VEGFC: variants seen among roughly 807,000 people sequenced by gnomAD.
VEGFC encodes vascular endothelial growth factor C.
A neutral mutation model predicts 46.1 loss-of-function variants in VEGFC; 12 were observed. The observed-to-expected ratio is 0.26, with a 90% confidence interval of 0.17 to 0.42. VEGFC has a LOEUF of 0.42. Ranked by LOEUF, VEGFC falls within the 10% of genes least tolerant of loss-of-function variation. VEGFC has a pLI of 1.00. For missense variants in VEGFC, 488 were observed against 529.4 expected (o/e 0.92, Z 0.77); for synonymous variants, 232 against 195.5 (o/e 1.19, Z -1.56).
chr4:176,696,614 C>T (rs962104890), intron 4 of VEGFC, among the ~76,000 whole-genome samples: 11 of 151,286 alleles, frequency 7.3e-5, no homozygotes, highest in African/African-American at 2.7e-4. Flanking sequence ...TGACTTTCTT[C>T]ACAGAACTGG....
intron 1 of VEGFC, among the ~76,000 whole-genome samples, chr4:176,766,422 C>T (rs2110919089): frequency 6.6e-6 from 1 of 152,068 alleles, no homozygotes; most frequent in East Asian, 1.9e-4. Context: ...CTTATCTCTA[C>T]AGAAGAACAC....
At chr4:176,750,565 C>T (rs774212587) in intron 1 of VEGFC, among the ~76,000 whole-genome samples, 10 of 151,726 alleles carry the variant, frequency 6.6e-5, no homozygotes, top group Non-Finnish European at 1.2e-4. Context: ...CCTAACATTA[C>T]TACCTTTAGA....
intron 1 of VEGFC, among the ~76,000 whole-genome samples, chr4:176,771,670 T>C (rs1221959249): frequency 1.3e-5 from 2 of 152,174 alleles, no homozygotes; most frequent in East Asian, 1.9e-4. Flanking sequence ...GTTCTTGTTA[T>C]CTGGTACCAG....
intron 3 of VEGFC, among the ~76,000 whole-genome samples, chr4:176,714,617 G>C (rs1579101781): frequency 6.6e-6 from 1 of 152,180 alleles, no homozygotes; most frequent in East Asian, 1.9e-4. Context: ...AGCTATTGTA[G>C]AAGAGTTTAT....
intron 4 of VEGFC, among the ~76,000 whole-genome samples, chr4:176,705,172 T>C (rs1441354786): frequency 6.6e-6 from 1 of 152,138 alleles, no homozygotes; most frequent in Non-Finnish European, 1.5e-5. Flanking sequence ...ATTATAGAGA[T>C]AGAAGACCTG....
At chr4:176,781,972 G>A (rs977034549) in intron 1 of VEGFC, among the ~76,000 whole-genome samples, 1 of 152,160 alleles carries the variant, frequency 6.6e-6, no homozygotes, top group Admixed American at 6.5e-5. Context: ...TCACTCACAC[G>A]CATGACTCTT....
chr4:176,789,204 C>A (rs545712468), intron 1 of VEGFC, among the ~76,000 whole-genome samples: 1 of 152,292 alleles, frequency 6.6e-6, no homozygotes, highest in East Asian at 1.9e-4. Flanking sequence ...CAAGAGGAAC[C>A]GGAACCAGAA....
At position 176,692,672 on chromosome 4, in the gene VEGFC, C is replaced by T. The variant is rs1179299549; in HGVS notation, c.705-4745G>A. 1.1e-4 allele frequency among the ~76,000 whole-genome samples: 17 copies of T among 148,244 alleles called. 1 individual carries two copies. The highest frequency in any genetic ancestry group is 7.4e-5 in the Non-Finnish European group (5 of 67,536). On this transcript the variant is annotated intron_variant, in intron 4 of 6. Coordinates refer to ENST00000618562, the MANE Select transcript of VEGFC (RefSeq NM_005429.5). ...CCTCTGTAGGCTCCACCTCTGGGGG[C>T]AGGGCACAGACAAACAAAAAGACAG...
At chr4:176,744,637 C>A (rs1382205863) in intron 1 of VEGFC, among the ~76,000 whole-genome samples, 2 of 151,992 alleles carry the variant, frequency 1.3e-5, no homozygotes, top group African/African-American at 2.4e-5. Flanking sequence ...GATATCAACA[C>A]GTTTATTATA....
chr4:176,700,082 T>C (rs1025724467), intron 4 of VEGFC, among the ~76,000 whole-genome samples: 6 of 152,330 alleles, frequency 3.9e-5, no homozygotes, highest in Non-Finnish European at 5.9e-5. Context: ...TTTGCCAGTC[T>C]TAATGTTTGA....
chr4:176,741,844 T>C (rs1735181159), intron 1 of VEGFC, among the ~76,000 whole-genome samples: 1 of 151,972 alleles, frequency 6.6e-6, no homozygotes, highest in South Asian at 2.1e-4. Flanking sequence ...TTAAAGTAAG[T>C]CTCCTAATTA....
intron 1 of VEGFC, among the ~76,000 whole-genome samples, chr4:176,764,669 C>G (rs868158410): frequency 9.9e-5 from 15 of 152,216 alleles, no homozygotes; most frequent in African/African-American, 3.1e-4. Context: ...TAGGCCATAC[C>G]AGACTGATAC....
intron 4 of VEGFC, among the ~76,000 whole-genome samples, chr4:176,708,682 C>T (rs1338687727): frequency 1.3e-5 from 2 of 151,992 alleles, no homozygotes; most frequent in Non-Finnish European, 1.5e-5. Context: ...TATATATATA[C>T]ACAGAGACAC....
At chr4:176,724,875 G>A (rs1734846485) in intron 3 of VEGFC, among the ~76,000 whole-genome samples, 1 of 152,112 alleles carries the variant, frequency 6.6e-6, no homozygotes, top group African/African-American at 2.4e-5. Context: ...TGGATCTCAT[G>A]GAAGTAGAGA....
chr4:176,711,671 G>A (rs1734622415), intron 3 of VEGFC, 21 bp from the exon 4 acceptor site: 2 of 1,608,908 alleles, frequency 1.2e-6, no homozygotes, highest in South Asian at 2.2e-5. Flanking sequence ...GGGACAAAAA[G>A]AAGAAAAAAT....
Position 176,792,401 on chromosome 4 carries a change from G to A in VEGFC, c.-90C>T. On this transcript the variant is annotated 5_prime_UTR_variant, in exon 1 of 7. Coordinates refer to ENST00000618562, the MANE Select transcript of VEGFC (RefSeq NM_005429.5). This position sits in a 1 kb window ranked among gnomAD's most constrained non-coding sequence, Gnocchi z 6.3. ...CCTGCGAGGCCGCGGGCCCCTCCTGGTCCCTCTCCCCCGGGCTCCTCCCGG... is the reference window on the plus strand; with the variant it reads ...CCTGCGAGGCCGCGGGCCCCTCCTGATCCCTCTCCCCCGGGCTCCTCCCGG... The A allele has an allele frequency of 9.4e-7, 1 of 1,060,448 alleles. No individual in the cohort carries two copies. The highest frequency in any genetic ancestry group is 1.3e-6 in the Non-Finnish European group (1 of 790,180). The allele number at this position is 1,060,448 out of a possible 1,614,324, so 65.7% of individuals were successfully genotyped here.
At chr4:176,776,346 G>A (rs1735812900) in intron 1 of VEGFC, among the ~76,000 whole-genome samples, 1 of 152,142 alleles carries the variant, frequency 6.6e-6, no homozygotes, top group Non-Finnish European at 1.5e-5. Context: ...CTATTCGAGG[G>A]CAACATTAGC....
At chr4:176,760,398 G>C (rs11727268) in intron 1 of VEGFC, among the ~76,000 whole-genome samples, 1 of 152,012 alleles carries the variant, frequency 6.6e-6, no homozygotes, top group African/African-American at 2.4e-5. Context: ...AAAGAAAAAA[G>C]AATTTCTCTA....
At chr4:176,773,086 C>A (rs1735749644) in intron 1 of VEGFC, among the ~76,000 whole-genome samples, 2 of 152,292 alleles carry the variant, frequency 1.3e-5, no homozygotes, top group South Asian at 2.1e-4. Context: ...GATGTAAGGG[C>A]AAATCTACTG....
Sources: gnomAD v4.1 joint callset for allele counts (sites outside exome capture counted in the v4.1 genomes callset) on GRCh38, gnomAD v4.1.1 for gene constraint, Gnocchi (gnomAD v3.1) non-coding constraint, MANE v1.5 for transcripts, NCBI Gene and HGNC (gene_info 2026-07-23, HGNC 2026-07-21) for gene names.